The following LAMB1 variants were observed in gnomAD, a reference collection of about 807,000 sequenced individuals.
LAMB1 encodes the protein laminin subunit beta 1.
LAMB1 carries 121 observed loss-of-function variants against 222.3 expected under a neutral mutation model. That is an observed-to-expected ratio of 0.54 (90% CI 0.47 to 0.63). The LOEUF is 0.63. Ranked by LOEUF, LAMB1 falls within the 30% of genes least tolerant of loss-of-function variation. The pLI is 0.00. For synonymous variants in LAMB1, 794 were observed against 807.2 expected, an observed-to-expected ratio of 0.98 and a Z score of 0.28; for missense variants, 2,172 against 2,240.8, an observed-to-expected ratio of 0.97 and a Z score of 0.62.
Position 107,956,811 on chromosome 7 carries a change from G to A in LAMB1, c.2691-1181C>T, listed in dbSNP as rs140258505. Among the ~76,000 whole-genome samples the A allele has an allele frequency of 2.6e-3, 395 of 152,266 alleles. 5 individuals are homozygous for A. Among genetic ancestry groups the A allele is most frequent in the African/African-American group, 8.5e-3 (351 of 41,536 alleles). On this transcript the variant is annotated intron_variant, in intron 20 of 33. Transcript: ENST00000222399. ...TCTCAGGTGGTTCCAAACTCAGGCA[G>A]GGATGGGTCATGTTACTTATTAATT...
chr7:107,929,360 C>T (rs2032649601), intron 30 of LAMB1, 52 bp downstream of exon 30: 1 of 1,545,566 alleles, frequency 6.5e-7, no homozygotes, highest in Non-Finnish European at 8.9e-7. Context: ...ATACTTTTTA[C>T]TCCATGATAG....
At chr7:107,975,461 G>A in intron 10 of LAMB1, 48 bp from the exon 11 acceptor site, 2 of 1,506,122 alleles carry the variant, frequency 1.3e-6, no homozygotes, top group Non-Finnish European at 1.8e-6. Flanking sequence ...GAAACTCAAT[G>A]TATCTTTGTA....
chr7:107,939,925 T>C, intron 25 of LAMB1, 64 bp downstream of exon 25: 1 of 1,537,076 alleles, frequency 6.5e-7, no homozygotes. Context: ...AGGAAATCTT[T>C]GCTGTTAACT....
Position 107,937,011 on chromosome 7 carries a change from T to C in LAMB1, c.3946+82A>G, listed in dbSNP as rs56285692. ...TAAAATTTATTAGAAAACTTTTTTTTTTCCCCAAAAGTGCTATATTAAAAC... is the reference window on the plus strand; with the variant it reads ...TAAAATTTATTAGAAAACTTTTTTTCTTCCCCAAAAGTGCTATATTAAAAC... On this transcript the variant is annotated intron_variant, in intron 26 of 33. Coordinates refer to ENST00000222399, the MANE Select transcript of LAMB1 (RefSeq NM_002291.3). 443,356 of 1,174,250 alleles carry C rather than the reference T, an allele frequency of 0.38. 88,144 individuals carry two copies. Among genetic ancestry groups the C allele is most frequent in the Non-Finnish European group, 0.41 (341,133 of 837,628 alleles). 72.7% of individuals were successfully genotyped at this position (1,174,250 alleles called of 1,614,324 possible).
chr7:107,923,882 G>A lies in LAMB1; in HGVS notation c.*69C>T. ...AATAGGTGATGTTTTATTTTGAAGA[G>A]CATTAAGTCAGTTTTTAAAATGTAG... is the stretch of plus-strand genomic sequence containing the variant. On this transcript the variant is annotated 3_prime_UTR_variant, in exon 34 of 34. Transcript: ENST00000222399. 2 of 1,359,970 alleles carry A rather than the reference G, an allele frequency of 1.5e-6. No homozygotes were observed. Among genetic ancestry groups the A allele is most frequent in the South Asian group, 1.3e-5 (1 of 78,102 alleles). 84.2% of individuals were successfully genotyped at this position (1,359,970 alleles called of 1,614,324 possible).
At chr7:107,953,826 A>C in intron 21 of LAMB1, 72 bp from the exon 22 acceptor site, 3 of 1,303,602 alleles carry the variant, frequency 2.3e-6, no homozygotes, top group Non-Finnish European at 3.3e-6. Flanking sequence ...ACCGACACTC[A>C]TGCCTAGAGA....
intron 7 of LAMB1, among the ~76,000 whole-genome samples, chr7:107,985,784 C>T (rs1454757534): frequency 1.3e-5 from 2 of 151,634 alleles, no homozygotes; most frequent in East Asian, 1.9e-4. Flanking sequence ...ATGGAGAAAC[C>T]CCGTCTCTAC....
intron 28 of LAMB1, 119 bp from the exon 29 acceptor site, chr7:107,931,619 G>C (rs2032713530): frequency 1.1e-6 from 1 of 947,734 alleles, no homozygotes; most frequent in Non-Finnish European, 1.6e-6. Context: ...CATATGTCTG[G>C]GAAACAACTT....
intron 13 of LAMB1, among the ~76,000 whole-genome samples, chr7:107,972,562 T>C (rs955983830): frequency 6.6e-6 from 1 of 150,640 alleles, no homozygotes; most frequent in African/African-American, 2.4e-5. Context: ...TCTCATGTGA[T>C]TTTCATTAAT....
chr7:108,001,693 G>C lies in LAMB1; in HGVS notation c.78C>G (p.Phe26Leu), dbSNP rs759948040. 1.9e-6 allele frequency: 3 copies of C among 1,612,726 alleles called. No homozygotes were observed. The highest frequency in any genetic ancestry group is 2.5e-6 in the Non-Finnish European group (3 of 1,179,848). Reference protein sequence around the residue: ...RARVRAQEPEFSYGCAEGSCY... With the variant: ...RARVRAQEPELSYGCAEGSCY... ...AGCTGCCTTCTGCGCAGCCGTAGCT[G>C]AACTCGGGTTCCTGAGCGCGCACTC... Residue 26 changes from phenylalanine to leucine, a missense_variant, in exon 3 of 34, where the codon TTC becomes TTG. Transcript: ENST00000222399.
In LAMB1 at chr7:107,955,471, G is replaced by A. The variant is rs779969714; in HGVS notation, c.2850C>T (p.Tyr950=). 3.7e-6 allele frequency: 6 copies of A among 1,612,490 alleles called. No individual in the cohort carries two copies. Among genetic ancestry groups the A allele is most frequent in the Non-Finnish European group, 8.5e-7 (1 of 1,179,256 alleles). The change falls in exon 21 of 34, where the codon TAC becomes TAT. Residue 950 remains tyrosine, a synonymous_variant. Transcript: ENST00000222399. ...CAAAGTATGCACACGACTTACCAAT[G>A]TATCCAGGATCACAAACACAGGCAA... is the stretch of plus-strand genomic sequence containing the variant. ...LQLACVCDPG[Y]IGSRCDDCAS...
rs200599445 is a variant in LAMB1 at position 107,935,347 on chromosome 7, G to GTTTTTTTTTTTTTTTTTT, written c.4188+50_4188+67dup. On this transcript the variant is annotated intron_variant, in intron 27 of 33. Coordinates refer to ENST00000222399, the MANE Select transcript of LAMB1 (RefSeq NM_002291.3). ...GACAAAAGATGGTTTGTTTTTCTTTGTTTTTTTTTTTTTTTTTTTTTTTTT... is the reference window on the plus strand; with the variant it reads ...GACAAAAGATGGTTTGTTTTTCTTTGTTTTTTTTTTTTTTTTTTTTTTTTTTTTTTTTTTTTTTTTTTT... The GTTTTTTTTTTTTTTTTTT allele has an allele frequency of 2.6e-5, 30 of 1,173,258 alleles. 5 individuals are homozygous for GTTTTTTTTTTTTTTTTTT. The African/African-American group carries it at 3.4e-4, about 13-fold the overall frequency. 72.7% of individuals were successfully genotyped at this position (1,173,258 alleles called of 1,614,324 possible). A position where few individuals can be genotyped will look rare whatever the true frequency, so the allele number is the denominator to read the frequency against.
At chr7:107,928,968 G>A (rs1046141874) in intron 31 of LAMB1, 96 bp downstream of exon 31, 7 of 1,175,136 alleles carry the variant, frequency 6.0e-6, no homozygotes, top group African/African-American at 4.6e-5. Context: ...TTAATGTTGA[G>A]TTGTAAGAAT....
chr7:107,950,566 T>C (rs990377254), intron 24 of LAMB1, among the ~76,000 whole-genome samples: 1 of 152,230 alleles, frequency 6.6e-6, no homozygotes, highest in Non-Finnish European at 1.5e-5. Flanking sequence ...GTTTGTTTGT[T>C]TAATCATAAG....
intron 2 of LAMB1, chr7:108,002,411 A>G (rs1233162540): frequency 1.5e-6 from 2 of 1,314,630 alleles, no homozygotes; most frequent in Non-Finnish European, 1.0e-6. Flanking sequence ...ACAAACAGAG[A>G]TGGTTAATTA....
intron 15 of LAMB1, 133 bp from the exon 16 acceptor site, chr7:107,961,809 C>A: frequency 2.0e-6 from 2 of 999,818 alleles, no homozygotes; most frequent in South Asian, 3.2e-5. Context: ...CTCTTTACTA[C>A]TACCTCTGCT....
chr7:107,935,286 A>T, intron 27 of LAMB1, 129 bp downstream of exon 27: 1 of 1,386,834 alleles, frequency 7.2e-7, no homozygotes, highest in Non-Finnish European at 9.7e-7. Flanking sequence ...TAGGAGTTTC[A>T]GTCCTGCTGA....
Position 107,940,039 on chromosome 7 carries a change from G to A in LAMB1, c.3711C>T (p.Ser1237=), listed in dbSNP as rs751489628. The A allele has an allele frequency of 1.4e-5, 23 of 1,614,046 alleles. No individual in the cohort carries two copies. Among genetic ancestry groups the A allele is most frequent in the South Asian group, 9.9e-5 (9 of 91,084 alleles). ...VSEIKDILAQ[S]PAAEPLKNIG... ...TGTTTTTCAGTGGCTCTGCTGCGGG[G>A]CTCTGCGCCAGGATGTCTTTTATCT... The change falls in exon 25 of 34, where the codon AGC becomes AGT. Residue 1237 remains serine, a synonymous_variant. Coordinates refer to ENST00000222399, the MANE Select transcript of LAMB1 (RefSeq NM_002291.3).
intron 13 of LAMB1, among the ~76,000 whole-genome samples, chr7:107,970,642 C>T (rs1265147899): frequency 6.6e-6 from 1 of 151,986 alleles, no homozygotes; most frequent in Admixed American, 6.6e-5. Context: ...GCAACCAATG[C>T]CAATTCTTTT....
Sources: gnomAD v4.1 joint callset for allele counts (sites outside exome capture counted in the v4.1 genomes callset) on GRCh38, gnomAD v4.1.1 for gene constraint, MANE v1.5 for transcripts, NCBI Gene and HGNC (gene_info 2026-07-23, HGNC 2026-07-21) for gene names.